Variants in SDHA observed in about 807,000 individuals in gnomAD.
SDHA encodes succinate dehydrogenase complex flavoprotein subunit A.
Under a neutral mutation model 78.4 loss-of-function variants are expected in SDHA, and 48 were observed. The observed-to-expected ratio is 0.61, with a 90% CI of 0.49 to 0.78. The LOEUF (loss-of-function observed/expected upper bound fraction) is 0.78. SDHA is among the 30% of genes least tolerant of loss of function. SDHA has a pLI of 0.00. For missense variants in SDHA, 680 were observed against 892.7 expected (o/e 0.76, Z 3.04); for synonymous variants, 326 against 353.9 (o/e 0.92, Z 0.88).
chr5:230,443 A>G (rs1016309693), intron 6 of SDHA, among the ~76,000 whole-genome samples: 9 of 152,104 alleles, frequency 5.9e-5, no homozygotes, highest in Non-Finnish European at 5.9e-5. Flanking sequence ...CCTGGCCAAC[A>G]TGGTGAAACC....
At chr5:240,541 G>C in intron 11 of SDHA, 65 bp downstream of exon 11, 1 of 1,089,912 alleles carries the variant, frequency 9.2e-7, no homozygotes, top group Non-Finnish European at 1.4e-6. Context: ...CACTGGTTTT[G>C]TTTTTTAAAA....
Position 224,381 on chromosome 5 carries a change from G to A in SDHA, c.172G>A (p.Val58Met). 1 of 1,613,516 alleles carries A rather than the reference G, an allele frequency of 6.2e-7. No homozygotes were observed. Among genetic ancestry groups the A allele is most frequent in the South Asian group, 1.1e-5 (1 of 91,054 alleles). Residue 58 changes from valine (V) to methionine (M), a missense_variant, in exon 3 of 15, where the codon GTG becomes ATG. Physicochemically the swap from Val to Met is conservative, Grantham distance 21 (BLOSUM62 1). Coordinates refer to ENST00000264932, the MANE Select transcript of SDHA (RefSeq NM_004168.4). ...CCAGATTTCTGCTCAGTATCCAGTA[G>A]TGGATCATGAATTTGATGCAGTGGT... ...SDSISAQYPV[V>M]DHEFDAVVVG...
downstream of SDHA, among the ~76,000 whole-genome samples, chr5:259,790 G>A (rs1204048433): frequency 6.3e-5 from 2 of 31,646 alleles, no homozygotes. Context: ...TCCGCCTCCC[G>A]CCAGAGCATT....
At chr5:256,204 A>G in intron 14 of SDHA, 130 bp from the exon 15 acceptor site, 1 of 764,730 alleles carries the variant, frequency 1.3e-6, no homozygotes, top group Non-Finnish European at 2.4e-6. Context: ...GCATTTTTGT[A>G]AAGCACTGAG....
downstream of SDHA, among the ~76,000 whole-genome samples, chr5:258,646 G>C (rs1007504638): frequency 0.14 from 4,723 of 33,916 alleles, 153 homozygotes; most frequent in African/African-American, 0.25. Flanking sequence ...CCTCCCGCCA[G>C]AGCATTACCG....
At chr5:230,796 G>A (rs540620459) in intron 6 of SDHA, 80 bp from the exon 7 acceptor site, 8 of 1,578,584 alleles carry the variant, frequency 5.1e-6, no homozygotes, top group African/African-American at 4.0e-5. Flanking sequence ...GGGGGCTGCC[G>A]TGTCCATTCT....
At chr5:225,816 A>G in intron 4 of SDHA, 67 bp from the exon 5 acceptor site, 2 of 1,583,352 alleles carry the variant, frequency 1.3e-6, no homozygotes, top group Admixed American at 1.7e-5. Context: ...TGTTTAGTGT[A>G]GATTAGCTGC....
the SDHA span, among the ~76,000 whole-genome samples, chr5:262,319 T>TTACCGTGTGAGCTCCGCCTCCCGC: frequency 5.5e-5 from 3 of 54,672 alleles, no homozygotes; most frequent in Non-Finnish European, 1.0e-4. Context: ...CCGCCTCCCG[T>TTACCGTGTGAGCTCCGCCTCCCGC]CAGAGCATTA....
chr5:262,384 CCA>C, the SDHA span, among the ~76,000 whole-genome samples: 101 of 89,512 alleles, frequency 1.1e-3, 15 homozygotes, highest in African/African-American at 6.1e-3. Context: ...CGCCTCCTGT[CCA>C]AGCATTACTG....
At chr5:256,282 T>C in intron 14 of SDHA, 52 bp from the exon 15 acceptor site, 2 of 1,356,616 alleles carry the variant, frequency 1.5e-6, no homozygotes, top group Non-Finnish European at 2.1e-6. Flanking sequence ...ACACAAGAGA[T>C]GGCTTTTTGT....
chr5:252,682 T>C (rs375353533), intron 13 of SDHA, among the ~76,000 whole-genome samples: 36 of 94,018 alleles, frequency 3.8e-4, no homozygotes, highest in African/African-American at 1.4e-3. Context: ...TATTAAATAA[T>C]GAGTAAGTCA....
chr5:257,428 C>G (rs1375822863), downstream of SDHA, among the ~76,000 whole-genome samples: 3 of 141,930 alleles, frequency 2.1e-5, no homozygotes, highest in South Asian at 4.4e-4. Flanking sequence ...CACCACCTGT[C>G]AGAGCATTAC....
chr5:259,471 C>A (rs113562854), downstream of SDHA, among the ~76,000 whole-genome samples: 124 of 22,194 alleles, frequency 5.6e-3, 7 homozygotes, highest in East Asian at 0.067. Flanking sequence ...CCGCCTCCTG[C>A]CAGAGCATTA....
intron 12 of SDHA, 67 bp from the exon 13 acceptor site, chr5:251,271 C>T (rs375608763): frequency 8.9e-6 from 14 of 1,574,948 alleles, no homozygotes; most frequent in East Asian, 6.8e-5. Flanking sequence ...CAGGCCCAGG[C>T]TGACAGCTCG....
At chr5:250,663 G>C in intron 11 of SDHA, 1 of 367,014 alleles carries the variant, frequency 2.7e-6, no homozygotes, top group South Asian at 2.2e-5. Flanking sequence ...GAGAGGCAGC[G>C]CTGCCTGGTT....
intron 11 of SDHA, among the ~76,000 whole-genome samples, chr5:245,446 C>T (rs1164438115): frequency 2.0e-5 from 3 of 152,166 alleles, no homozygotes; most frequent in Non-Finnish European, 4.4e-5. Flanking sequence ...GAAAGTGTTG[C>T]GACAAGGCAT....
chr5:225,804 C>G, intron 4 of SDHA, 79 bp from the exon 5 acceptor site: 1 of 1,565,852 alleles, frequency 6.4e-7, no homozygotes, highest in Non-Finnish European at 8.8e-7. Flanking sequence ...TTGTGTTAAA[C>G]TTGTTTAGTG....
chr5:254,040 CA>C (rs1164355772), intron 13 of SDHA, among the ~76,000 whole-genome samples: 16 of 147,772 alleles, frequency 1.1e-4, no homozygotes, highest in African/African-American at 3.2e-4. Context: ...GACCCTGTCT[CA>C]AAAAAAAAAT....
At position 251,044 on chromosome 5, in the gene SDHA, G is replaced by A; in HGVS notation, c.1604G>A (p.Gly535Asp). 1 of 1,612,024 alleles carries A rather than the reference G, an allele frequency of 6.2e-7. No individual in the cohort carries two copies. ...VFRVGSVLQE[G>D]CGKISKLYGD... ...CGTGTGGGAAGCGTGTTGCAAGAAGGTTGTGGGAAAATCAGCAAGCTCTAT... is the reference window on the plus strand; with the variant it reads ...CGTGTGGGAAGCGTGTTGCAAGAAGATTGTGGGAAAATCAGCAAGCTCTAT... The change falls in exon 12 of 15, where the codon GGT becomes GAT. Residue 535 changes from glycine (G) to aspartate (D), a missense_variant. Transcript: ENST00000264932.
Sources: gnomAD v4.1 joint callset for allele counts (sites outside exome capture counted in the v4.1 genomes callset) on GRCh38, gnomAD v4.1.1 for gene constraint, MANE v1.5 for transcripts, NCBI Gene and HGNC (gene_info 2026-07-23, HGNC 2026-07-21) for gene names.